CHSY3: variants seen among roughly 807,000 people sequenced by gnomAD.
The protein encoded by CHSY3 is chondroitin sulfate synthase 3, also known as N-acetylgalactosaminyl-proteoglycan 3-beta-glucuronosyltransferase 3.
CHSY3 carries 35 observed loss-of-function variants against 67.2 expected under a neutral mutation model. The ratio of observed to expected loss-of-function variants is 0.52; its 90% CI spans 0.40 to 0.69. The LOEUF (loss-of-function observed/expected upper bound fraction) is 0.69. Among genes scored for constraint, CHSY3 ranks in the 30% least tolerant of loss-of-function variants. CHSY3 has a pLI of 0.00. For missense variants in CHSY3, 1,069 were observed against 1,138.5 expected (o/e 0.94, Z 0.88); for synonymous variants, 474 against 434.7 (o/e 1.09, Z -1.12).
intron 2 of CHSY3, among the ~76,000 whole-genome samples, chr5:129,978,337 GTATTT>G (rs1448527439): frequency 2.6e-5 from 4 of 152,078 alleles, no homozygotes; most frequent in African/African-American, 9.7e-5. Flanking sequence ...TTAATATCCA[GTATTT>G]TGCCAATACA....
chr5:130,064,469 G>A, intron 2 of CHSY3, among the ~76,000 whole-genome samples: 1 of 152,106 alleles, frequency 6.6e-6, no homozygotes, highest in Non-Finnish European at 1.5e-5. Context: ...GTTAAGGAAG[G>A]TGGTTTTGAA....
chr5:130,077,370 A>G (rs10079751), intron 2 of CHSY3, among the ~76,000 whole-genome samples: 71,892 of 151,850 alleles, frequency 0.47, 17,606 homozygotes, highest in African/African-American at 0.6. Flanking sequence ...ATACCATAAC[A>G]TGACTAGAGT....
intron 2 of CHSY3, among the ~76,000 whole-genome samples, chr5:130,138,110 G>A (rs948161278): frequency 6.6e-6 from 1 of 152,108 alleles, no homozygotes; most frequent in Non-Finnish European, 1.5e-5. Flanking sequence ...TATTTCTGTA[G>A]GACAGACATA....
At chr5:130,071,446 C>G (rs1766062150) in intron 2 of CHSY3, among the ~76,000 whole-genome samples, 1 of 151,772 alleles carries the variant, frequency 6.6e-6, no homozygotes, top group African/African-American at 2.4e-5. Flanking sequence ...TGAAAAGACT[C>G]ATATCTGTGG....
At chr5:130,108,975 C>A (rs1007380003) in intron 2 of CHSY3, among the ~76,000 whole-genome samples, 2 of 151,542 alleles carry the variant, frequency 1.3e-5, no homozygotes, top group African/African-American at 2.4e-5. Context: ...TGGGTATTAT[C>A]CATTTGACTA....
intron 2 of CHSY3, among the ~76,000 whole-genome samples, chr5:130,060,885 A>G (rs538809574): frequency 5.1e-4 from 78 of 152,182 alleles, no homozygotes; most frequent in African/African-American, 1.9e-3. Flanking sequence ...TAAAAGGAGA[A>G]CAACAAACAC....
At chr5:129,909,747 T>A (rs1760466509) in intron 2 of CHSY3, among the ~76,000 whole-genome samples, 1 of 152,030 alleles carries the variant, frequency 6.6e-6, no homozygotes, top group African/African-American at 2.4e-5. Flanking sequence ...ACAAAAATAT[T>A]CAATACAGAG....
intron 2 of CHSY3, among the ~76,000 whole-genome samples, chr5:130,143,838 A>G (rs1206228027): frequency 8.2e-5 from 11 of 134,364 alleles, no homozygotes; most frequent in South Asian, 2.4e-4. Context: ...ATATATATAT[A>G]TATATATATG....
At chr5:129,934,841 G>A (rs566403611) in intron 2 of CHSY3, among the ~76,000 whole-genome samples, 1 of 152,220 alleles carries the variant, frequency 6.6e-6, no homozygotes, top group East Asian at 1.9e-4. Context: ...AAAAGGCGTA[G>A]GTCTCACTGA....
chr5:130,143,802 A>ATG (rs1218011051), intron 2 of CHSY3, among the ~76,000 whole-genome samples: 46 of 56,590 alleles, frequency 8.1e-4, no homozygotes, highest in Middle Eastern at 8.1e-3. Context: ...ATATATATAT[A>ATG]TATGTGTGTA....
intron 2 of CHSY3, among the ~76,000 whole-genome samples, chr5:130,128,795 A>G (rs1332123318): frequency 6.6e-6 from 1 of 152,082 alleles, no homozygotes; most frequent in African/African-American, 2.4e-5. Context: ...AACTCATGGA[A>G]TTGTATACAT....
At chr5:130,022,362 A>C (rs1172759351) in intron 2 of CHSY3, among the ~76,000 whole-genome samples, 5 of 152,062 alleles carry the variant, frequency 3.3e-5, no homozygotes, top group African/African-American at 7.2e-5. Context: ...TTGTACTAAG[A>C]AACTCCTTTG....
In CHSY3 at chr5:130,167,896, G is replaced by T. The variant is rs192829774; in HGVS notation, c.1087-16333G>T. Among the ~76,000 whole-genome samples, 9 of 152,130 alleles carry T rather than the reference G, an allele frequency of 5.9e-5. No homozygotes were observed. In the East Asian group the frequency reaches 7.7e-4, roughly 13 times the overall value. On this transcript the variant is annotated intron_variant, in intron 2 of 2. Transcript: ENST00000305031. ...AAATAATGTAGAAAAAAATCTAGGA[G>T]CTCTCCTTTTCCTAGAAGAAAATTT... is the stretch of plus-strand genomic sequence containing the variant.
intron 2 of CHSY3, among the ~76,000 whole-genome samples, chr5:130,183,160 G>A (rs1358832228): frequency 6.6e-6 from 1 of 151,754 alleles, no homozygotes; most frequent in Non-Finnish European, 1.5e-5. Flanking sequence ...CGTATCTCGA[G>A]TGGGTATAAT....
chr5:129,969,611 C>A (rs1272395497), intron 2 of CHSY3, among the ~76,000 whole-genome samples: 2 of 151,790 alleles, frequency 1.3e-5, no homozygotes, highest in Non-Finnish European at 2.9e-5. Flanking sequence ...TTTTTACACT[C>A]TTTACAAAGG....
rs148279182 is a variant in CHSY3 at position 130,130,553 on chromosome 5, TCTC to T, written c.1087-53673_1087-53671del. Reference sequence around the variant, plus strand: ...ATCTCCTTCTTGGGAGTCTAAAACTTCTCCTAGTCTTTGACCAAGACTTACAGA... The same window carrying T: ...ATCTCCTTCTTGGGAGTCTAAAACTTCTAGTCTTTGACCAAGACTTACAGA... On this transcript the variant is annotated intron_variant, in intron 2 of 2. Coordinates refer to ENST00000305031, the MANE Select transcript of CHSY3 (RefSeq NM_175856.5). 7.1e-3 allele frequency among the ~76,000 whole-genome samples: 1,074 copies of T among 152,224 alleles called. 7 individuals are homozygous for T. The highest frequency in any genetic ancestry group is 0.017 in the South Asian group (83 of 4,822).
intron 2 of CHSY3, among the ~76,000 whole-genome samples, chr5:129,921,656 T>C (rs968128397): frequency 2.0e-5 from 3 of 152,238 alleles, no homozygotes; most frequent in African/African-American, 7.2e-5. Flanking sequence ...TCCATCCATG[T>C]TGTCACAGAT....
chr5:129,920,333 C>T (rs1398811041), intron 2 of CHSY3, among the ~76,000 whole-genome samples: 1 of 152,208 alleles, frequency 6.6e-6, no homozygotes, highest in Non-Finnish European at 1.5e-5. Flanking sequence ...GCAACCTCCG[C>T]CTCCCAAGTT....
intron 2 of CHSY3, among the ~76,000 whole-genome samples, chr5:129,950,742 T>C (rs1199063629): frequency 6.6e-6 from 1 of 152,074 alleles, no homozygotes; most frequent in African/African-American, 2.4e-5. Context: ...CTGTAAAATA[T>C]TGATGAAAGA....
Sources: allele counts gnomAD v4.1 joint callset (sites outside exome capture counted in the v4.1 genomes callset), GRCh38; gene constraint gnomAD v4.1.1; transcripts MANE v1.5; gene names NCBI Gene and HGNC (gene_info 2026-07-23, HGNC 2026-07-21).